Variants in RPS6KC1 observed in about 807,000 individuals in gnomAD.
RPS6KC1 encodes ribosomal protein S6 kinase C1.
A neutral mutation model predicts 103.8 loss-of-function variants in RPS6KC1; 54 were observed. The observed-to-expected ratio is 0.52, with a 90% CI of 0.42 to 0.65. The LOEUF (loss-of-function observed/expected upper bound fraction) is 0.65, where lower values mean the gene tolerates loss of function less well. RPS6KC1 is among the 30% of genes least tolerant of loss of function. The pLI is 0.00. For missense variants in RPS6KC1, 1,151 were observed against 1,253.8 expected, an observed-to-expected ratio of 0.92 and a Z score of 1.24; for synonymous variants, 439 against 438.7, an observed-to-expected ratio of 1.00 and a Z score of -0.01.
chr1:213,315,628 C>A, the RPS6KC1 span, among the ~76,000 whole-genome samples: 5 of 152,186 alleles, frequency 3.3e-5, no homozygotes, highest in Admixed American at 1.3e-4. Flanking sequence ...ATTTTCAGAT[C>A]TATATTAGTA....
chr1:213,220,540 G>A (rs1184307353), intron 8 of RPS6KC1, among the ~76,000 whole-genome samples: 5 of 152,110 alleles, frequency 3.3e-5, no homozygotes, highest in African/African-American at 9.7e-5. Flanking sequence ...TGGTCAGGCT[G>A]GTCTCGAACT....
chr1:213,375,315 AT>A, the RPS6KC1 span, among the ~76,000 whole-genome samples: 376 of 152,206 alleles, frequency 2.5e-3, 1 homozygote, highest in African/African-American at 8.8e-3. Context: ...ACACATAGGC[AT>A]ATACACATAT....
At chr1:213,420,362 G>A in the RPS6KC1 span, among the ~76,000 whole-genome samples, 14 of 152,196 alleles carry the variant, frequency 9.2e-5, no homozygotes, top group African/African-American at 3.1e-4. Context: ...GCATTGTGGG[G>A]TATGGGATAT....
At chr1:213,816,066 CACA>C in the RPS6KC1 span, among the ~76,000 whole-genome samples, 1 of 152,170 alleles carries the variant, frequency 6.6e-6, no homozygotes, top group East Asian at 1.9e-4. Flanking sequence ...AGTCAGAACA[CACA>C]ACATTTATTG....
At chr1:213,575,919 G>A in the RPS6KC1 span, among the ~76,000 whole-genome samples, 2 of 152,130 alleles carry the variant, frequency 1.3e-5, no homozygotes, top group South Asian at 4.1e-4. Flanking sequence ...AAGAAAGAAG[G>A]GGGCACAACC....
At chr1:213,693,234 T>G in the RPS6KC1 span, among the ~76,000 whole-genome samples, 1 of 152,120 alleles carries the variant, frequency 6.6e-6, no homozygotes, top group Non-Finnish European at 1.5e-5. Flanking sequence ...TCCCTCCTTC[T>G]CTCCTCTTGA....
chr1:213,331,326 T>G, the RPS6KC1 span, among the ~76,000 whole-genome samples: 1 of 152,226 alleles, frequency 6.6e-6, no homozygotes, highest in Admixed American at 6.5e-5. Flanking sequence ...CTCCTTGTGC[T>G]GGCCCTCTCA....
chr1:213,374,591 G>A, the RPS6KC1 span, among the ~76,000 whole-genome samples: 1 of 152,192 alleles, frequency 6.6e-6, no homozygotes, highest in Non-Finnish European at 1.5e-5. Context: ...GGGAGGGCAT[G>A]CCAGGAGAGA....
the RPS6KC1 span, among the ~76,000 whole-genome samples, chr1:213,488,276 G>T: frequency 6.6e-6 from 1 of 152,164 alleles, no homozygotes. Context: ...CAATGTAGCT[G>T]AACTGTCTAC....
At chr1:213,555,814 T>G in the RPS6KC1 span, among the ~76,000 whole-genome samples, 3 of 152,230 alleles carry the variant, frequency 2.0e-5, no homozygotes, top group Admixed American at 2.0e-4. Context: ...TACCACAGTT[T>G]GTTTCTCTTG....
chr1:213,429,343 G>A, the RPS6KC1 span, among the ~76,000 whole-genome samples: 6,721 of 152,062 alleles, frequency 0.044, 163 homozygotes, highest in African/African-American at 0.061. Context: ...TTGTAGAGAT[G>A]GAGTTTTGCC....
the RPS6KC1 span, among the ~76,000 whole-genome samples, chr1:213,319,115 G>T: frequency 3.9e-4 from 59 of 152,266 alleles, no homozygotes; most frequent in South Asian, 8.3e-4. Context: ...AGACCAGCCT[G>T]GCCAACATGG....
the RPS6KC1 span, among the ~76,000 whole-genome samples, chr1:213,773,124 G>T: frequency 2.6e-5 from 4 of 152,120 alleles, no homozygotes; most frequent in Admixed American, 2.6e-4. Flanking sequence ...CTTTTATAGG[G>T]GCAGGGAGCC....
chr1:213,112,208 G>C (rs2083091841), intron 4 of RPS6KC1, among the ~76,000 whole-genome samples: 1 of 152,052 alleles, frequency 6.6e-6, no homozygotes, highest in Non-Finnish European at 1.5e-5. Context: ...TAGAACTGTT[G>C]GTAGAAGGTA....
At chr1:213,567,389 G>A in the RPS6KC1 span, among the ~76,000 whole-genome samples, 6 of 152,100 alleles carry the variant, frequency 3.9e-5, no homozygotes, top group Non-Finnish European at 7.4e-5. Flanking sequence ...CCTAACTCCC[G>A]ACTCCATGTG....
At chr1:213,422,671 A>G in the RPS6KC1 span, among the ~76,000 whole-genome samples, 852 of 152,362 alleles carry the variant, frequency 5.6e-3, 8 homozygotes, top group African/African-American at 0.019. Flanking sequence ...ATGAAGAGGA[A>G]CTAGGCGAGG....
chr1:213,577,272 T>G, the RPS6KC1 span, among the ~76,000 whole-genome samples: 1 of 152,234 alleles, frequency 6.6e-6, no homozygotes, highest in African/African-American at 2.4e-5. Flanking sequence ...TGCTTCTCCT[T>G]CACTTTCCAC....
chr1:213,054,459 C>CT (rs1182278604), intron 1 of RPS6KC1, among the ~76,000 whole-genome samples: 2 of 151,996 alleles, frequency 1.3e-5, no homozygotes, highest in African/African-American at 2.4e-5. Context: ...AGAAAAACAC[C>CT]TTTTTTCAGG....
the RPS6KC1 span, among the ~76,000 whole-genome samples, chr1:213,759,709 C>T: frequency 6.6e-6 from 1 of 152,242 alleles, no homozygotes; most frequent in Non-Finnish European, 1.5e-5. Context: ...CCAGCCTCCG[C>T]AGCTGTAGAT....
Sources: gnomAD v4.1 joint callset for allele counts (sites outside exome capture counted in the v4.1 genomes callset) on GRCh38, gnomAD v4.1.1 for gene constraint, MANE v1.5 for transcripts, NCBI Gene and HGNC (gene_info 2026-07-23, HGNC 2026-07-21) for gene names.